COMMD1: variants seen among roughly 807,000 people sequenced by gnomAD.
The protein encoded by COMMD1 is copper metabolism domain containing 1.
Under a neutral mutation model 17.2 loss-of-function variants are expected in COMMD1, and 10 were observed. The ratio of observed to expected loss-of-function variants is 0.58; its 90% CI spans 0.36 to 0.99. The LOEUF (loss-of-function observed/expected upper bound fraction) is 0.99. COMMD1 is among the 50% of genes least tolerant of loss of function. The probability of loss-of-function intolerance (pLI) is 0.01; values close to 1 mark genes in which losing one functional copy is unlikely to be tolerated. For missense variants in COMMD1, 270 were observed against 231.8 expected (o/e 1.17, Z -1.07); for synonymous variants, 97 against 91.6 (o/e 1.06, Z -0.34).
chr2:62,045,730 ATT>A (rs71410917), intron 2 of COMMD1, among the ~76,000 whole-genome samples: 341 of 84,882 alleles, frequency 4.0e-3, no homozygotes, highest in African/African-American at 0.016. Flanking sequence ...TTTCAAGTTA[ATT>A]TTTTTTTTTT....
intron 1 of COMMD1, among the ~76,000 whole-genome samples, chr2:61,955,497 G>C (rs773165241): frequency 6.6e-6 from 1 of 151,956 alleles, no homozygotes; most frequent in Non-Finnish European, 1.5e-5. Flanking sequence ...TTATTAGTTT[G>C]TCCTTTTATT....
At chr2:61,922,452 G>A (rs1670223805) in intron 1 of COMMD1, among the ~76,000 whole-genome samples, 2 of 152,112 alleles carry the variant, frequency 1.3e-5, no homozygotes, top group Non-Finnish European at 2.9e-5. Flanking sequence ...CAAGTAGCTG[G>A]GATTATAGGC....
At chr2:61,994,080 G>A (rs1420299370) in intron 1 of COMMD1, among the ~76,000 whole-genome samples, 5 of 152,124 alleles carry the variant, frequency 3.3e-5, no homozygotes, top group Admixed American at 1.3e-4. Context: ...TTCGCCTCCC[G>A]GGTTCAAGCG....
chr2:61,926,202 A>C (rs1455086852), intron 1 of COMMD1, among the ~76,000 whole-genome samples: 1 of 151,986 alleles, frequency 6.6e-6, no homozygotes, highest in East Asian at 1.9e-4. Flanking sequence ...CCATCTCCTG[A>C]CCTTGTGATC....
intron 2 of COMMD1, among the ~76,000 whole-genome samples, chr2:62,037,842 G>T (rs1670080744): frequency 6.6e-6 from 1 of 152,218 alleles, no homozygotes; most frequent in African/African-American, 2.4e-5. Context: ...AGATCTAGGA[G>T]TTAGAAGACT....
At chr2:61,904,087 T>C (rs947191073), upstream of COMMD1, among the ~76,000 whole-genome samples, 1 of 152,066 alleles carries the variant, frequency 6.6e-6, no homozygotes, top group Non-Finnish European at 1.5e-5. Context: ...CTCGGCTCAC[T>C]GCAAGCTCCA....
At chr2:61,916,037 C>T (rs951587867) in intron 1 of COMMD1, among the ~76,000 whole-genome samples, 2 of 151,946 alleles carry the variant, frequency 1.3e-5, no homozygotes, top group African/African-American at 4.8e-5. Flanking sequence ...GTGGTGTGCA[C>T]ATGGTTTACT....
rs375258921 is a variant in COMMD1, at chr2:61,994,344, C to T, written c.181-6357C>T. Among the ~76,000 whole-genome samples the T allele has an allele frequency of 2.6e-5, 4 of 152,252 alleles. No homozygotes were observed. The East Asian group carries it at 7.7e-4, about 29-fold the overall frequency. On this transcript the variant is annotated intron_variant, in intron 1 of 2. Transcript: ENST00000311832. Reference sequence around the variant, plus strand: ...GGGGTCCTGCTATCTGGTAAATAGGCAGATATTCAGTAAATGTTTATTGAA... The same window carrying T: ...GGGGTCCTGCTATCTGGTAAATAGGTAGATATTCAGTAAATGTTTATTGAA...
At chr2:62,047,769 C>A (rs1351528211) in intron 2 of COMMD1, among the ~76,000 whole-genome samples, 1 of 152,048 alleles carries the variant, frequency 6.6e-6, no homozygotes, top group Admixed American at 6.6e-5. Flanking sequence ...TGCCCTTTTA[C>A]CATTTCAAAA....
At chr2:61,928,118 T>G (rs1260281217) in intron 1 of COMMD1, among the ~76,000 whole-genome samples, 2 of 152,050 alleles carry the variant, frequency 1.3e-5, no homozygotes, top group African/African-American at 4.8e-5. Flanking sequence ...AATTTTTAAT[T>G]AACAAATTAT....
chr2:62,024,274 T>C (rs938957254), intron 2 of COMMD1, among the ~76,000 whole-genome samples: 3 of 152,190 alleles, frequency 2.0e-5, no homozygotes, highest in African/African-American at 7.2e-5. Context: ...TGGAGTGCAG[T>C]GGTGCTATCT....
intron 2 of COMMD1, among the ~76,000 whole-genome samples, chr2:62,130,107 G>A (rs1373474724): frequency 4.6e-5 from 7 of 151,106 alleles, no homozygotes; most frequent in Admixed American, 2.0e-4. Flanking sequence ...CCCGGGAGGC[G>A]GAGCTTGCAA....
intron 2 of COMMD1, among the ~76,000 whole-genome samples, chr2:62,001,391 T>C (rs181039206): frequency 1.3e-5 from 2 of 152,374 alleles, no homozygotes; most frequent in African/African-American, 2.4e-5. Context: ...TAGGAGGCAG[T>C]GTATCTTAAT....
chr2:62,002,751 G>C (rs1459068686), intron 2 of COMMD1, among the ~76,000 whole-genome samples: 1 of 151,902 alleles, frequency 6.6e-6, no homozygotes, highest in African/African-American at 2.4e-5. Context: ...AGTTACTCAG[G>C]AGGCTGAGGC....
In COMMD1 at chr2:62,059,943, T is replaced by TGG. The variant is rs34274605; in HGVS notation, c.462+58968_462+58969dup. 2.4e-4 allele frequency among the ~76,000 whole-genome samples: 36 copies of TGG among 151,948 alleles called. No homozygotes were observed. In the South Asian group the frequency reaches 3.7e-3, roughly 16 times the overall value. On this transcript the variant is annotated intron_variant, in intron 2 of 2. Transcript: ENST00000311832. ...TTACTTCTTACAGCTTAATGAATTT[T>TGG]GGGGGGGGAATTCCATTTTAATTTC...
chr2:61,931,047 C>T (rs551191765), intron 1 of COMMD1, among the ~76,000 whole-genome samples: 5 of 152,068 alleles, frequency 3.3e-5, no homozygotes, highest in South Asian at 4.2e-4. Flanking sequence ...TATGGGGGCT[C>T]GTGCCTGTAA....
At chr2:61,900,987 C>G (rs1417357924), upstream of COMMD1, among the ~76,000 whole-genome samples, 1 of 152,112 alleles carries the variant, frequency 6.6e-6, no homozygotes, top group Non-Finnish European at 1.5e-5. Flanking sequence ...TACTCTGTCA[C>G]CCAGGCTGGA....
chr2:62,035,217 A>G (rs1670006244), intron 2 of COMMD1, among the ~76,000 whole-genome samples: 1 of 152,202 alleles, frequency 6.6e-6, no homozygotes, highest in Non-Finnish European at 1.5e-5. Context: ...AAGAAAAGAA[A>G]TGGCACCTCT....
At chr2:61,902,053 G>C (rs1445306300), upstream of COMMD1, among the ~76,000 whole-genome samples, 1 of 151,824 alleles carries the variant, frequency 6.6e-6, no homozygotes, top group Non-Finnish European at 1.5e-5. Context: ...GGATGGTCTC[G>C]ATCTCTTGAC....
Sources: gnomAD v4.1 joint callset for allele counts (sites outside exome capture counted in the v4.1 genomes callset) on GRCh38, gnomAD v4.1.1 for gene constraint, MANE v1.5 for transcripts, NCBI Gene and HGNC (gene_info 2026-07-23, HGNC 2026-07-21) for gene names.